Variants in SRPK2 observed in about 807,000 individuals in gnomAD.
The protein encoded by SRPK2 is SRSF protein kinase 2, also known as SFRS protein kinase 2.
Under a neutral mutation model 90.8 loss-of-function variants are expected in SRPK2, and 21 were observed. The ratio of observed to expected loss-of-function variants is 0.23; its 90% CI spans 0.16 to 0.33. SRPK2 has a LOEUF of 0.33. Among genes scored for constraint, SRPK2 ranks in the 10% least tolerant of loss-of-function variants. The probability of loss-of-function intolerance (pLI) is 1.00; values close to 1 mark genes in which losing one functional copy is unlikely to be tolerated. For missense variants in SRPK2, 620 were observed against 869.0 expected, an observed-to-expected ratio of 0.71 and a Z score of 3.60; for synonymous variants, 288 against 311.1, an observed-to-expected ratio of 0.93 and a Z score of 0.78.
At chr7:105,125,630 G>A (rs1801082028) in intron 15 of SRPK2, among the ~76,000 whole-genome samples, 1 of 152,224 alleles carries the variant, frequency 6.6e-6, no homozygotes, top group Admixed American at 6.5e-5. Flanking sequence ...CCAGGTATCA[G>A]ATGGGTCAGG....
At chr7:105,181,956 C>T (rs527605682) in intron 3 of SRPK2, among the ~76,000 whole-genome samples, 11 of 151,008 alleles carry the variant, frequency 7.3e-5, no homozygotes, top group East Asian at 1.9e-4. Flanking sequence ...TGGCCAGGCG[C>T]GGGGGCTCAC....
chr7:105,125,961 GACAGAA>G, intron 15 of SRPK2: 4 of 722,354 alleles, frequency 5.5e-6, no homozygotes, highest in Non-Finnish European at 8.7e-6. Context: ...CGCCCGCGCA[GACAGAA>G]ACAGAGCGCA....
At chr7:105,288,369 G>A (rs1414465595) in intron 2 of SRPK2, among the ~76,000 whole-genome samples, 1 of 152,200 alleles carries the variant, frequency 6.6e-6, no homozygotes, top group Non-Finnish European at 1.5e-5. Context: ...GGTAGGGCGG[G>A]TGGATCACGA....
At chr7:105,311,077 T>C (rs1287630003) in intron 2 of SRPK2, among the ~76,000 whole-genome samples, 2 of 151,966 alleles carry the variant, frequency 1.3e-5, no homozygotes, top group South Asian at 2.1e-4. Flanking sequence ...GTTTTGGGCA[T>C]CAAAGGACAT....
chr7:105,242,434 C>G (rs183681909), intron 2 of SRPK2, among the ~76,000 whole-genome samples: 1 of 152,030 alleles, frequency 6.6e-6, no homozygotes, highest in African/African-American at 2.4e-5. Context: ...ATTGCTTGAA[C>G]CTGGGAGGCA....
intron 14 of SRPK2, among the ~76,000 whole-genome samples, chr7:105,126,550 G>A (rs1364011190): frequency 6.6e-6 from 1 of 152,178 alleles, no homozygotes; most frequent in Admixed American, 6.5e-5. Context: ...CTCACCCCAG[G>A]CCACCCCAGC....
chr7:105,384,499 G>A (rs1440137515), intron 2 of SRPK2, among the ~76,000 whole-genome samples: 2 of 152,116 alleles, frequency 1.3e-5, no homozygotes, highest in African/African-American at 2.4e-5. Context: ...ATATACAAAA[G>A]TAGATAATGA....
chr7:105,212,578 C>A (rs1216404690), intron 2 of SRPK2, among the ~76,000 whole-genome samples: 1 of 152,134 alleles, frequency 6.6e-6, no homozygotes, highest in African/African-American at 2.4e-5. Context: ...AAAGAATAAA[C>A]CACAATGCTA....
Position 105,242,632 on chromosome 7 carries a change from G to C in SRPK2, c.72-38847C>G, listed in dbSNP as rs913910851. On this transcript the variant is annotated intron_variant, in intron 2 of 15. Transcript: ENST00000393651. Reference sequence around the variant, plus strand: ...TGCAATATACACAAGGACCTACTCAGAGGCAGGTGTGCATGCACACATGTC... The same window carrying C: ...TGCAATATACACAAGGACCTACTCACAGGCAGGTGTGCATGCACACATGTC... Among the ~76,000 whole-genome samples the C allele has an allele frequency of 9.9e-5, 15 of 152,246 alleles. 1 individual carries two copies. Among genetic ancestry groups the C allele is most frequent in the Admixed American group, 9.8e-4 (15 of 15,286 alleles).
At chr7:105,372,689 T>G (rs1242171471) in intron 2 of SRPK2, among the ~76,000 whole-genome samples, 2 of 152,220 alleles carry the variant, frequency 1.3e-5, no homozygotes, top group Non-Finnish European at 2.9e-5. Context: ...GCCTATAAGC[T>G]TAAGAATCTG....
At chr7:105,384,901 G>T (rs1433694429) in intron 2 of SRPK2, among the ~76,000 whole-genome samples, 2 of 151,338 alleles carry the variant, frequency 1.3e-5, no homozygotes, top group Admixed American at 6.6e-5. Flanking sequence ...TTTTGAGACG[G>T]AGTCTGGCTC....
At chr7:105,180,323 G>GGAAT (rs1351259430) in intron 3 of SRPK2, among the ~76,000 whole-genome samples, 2 of 152,106 alleles carry the variant, frequency 1.3e-5, no homozygotes, top group Non-Finnish European at 2.9e-5. Flanking sequence ...CAAGCAATGG[G>GGAAT]GAATGGACTT....
At position 105,142,250 on chromosome 7, in the gene SRPK2, C is replaced by T. The variant is rs183214226; in HGVS notation, c.1301G>A (p.Ser434Asn). 36 of 1,614,174 alleles carry T rather than the reference C, an allele frequency of 2.2e-5. No homozygotes were observed. The East Asian group carries it at 3.3e-4, about 15-fold the overall frequency. ...EYNLDEPNAE[S>N]DYTYSSSYEQ... The stretch of plus-strand genomic sequence containing the variant: ...ATAGGAGCTGCTATATGTGTAATCA[C>T]TTTCTGCATTTGGCTCATCAAGATT... The change falls in exon 11 of 16, where the codon AGT (serine) becomes AAT (asparagine). Residue 434 changes from serine (S) to asparagine (N), a missense_variant. This residue lies in a region of SRPK2 where 243 missense variants were observed against 245.7 expected (regional missense o/e 0.99). Transcript: ENST00000393651.
At chr7:105,365,026 G>T (rs1818865302) in intron 2 of SRPK2, among the ~76,000 whole-genome samples, 1 of 152,198 alleles carries the variant, frequency 6.6e-6, no homozygotes, top group Non-Finnish European at 1.5e-5. Context: ...GACAAGGGCA[G>T]TCCTGATCAT....
intron 3 of SRPK2, among the ~76,000 whole-genome samples, chr7:105,179,667 A>T (rs552273352): frequency 1.3e-5 from 2 of 152,090 alleles, no homozygotes; most frequent in African/African-American, 4.8e-5. Flanking sequence ...TCCACTAAAA[A>T]TACAAAGATT....
At chr7:105,208,226 G>C (rs183543314) in intron 2 of SRPK2, among the ~76,000 whole-genome samples, 1 of 152,042 alleles carries the variant, frequency 6.6e-6, no homozygotes, top group Non-Finnish European at 1.5e-5. Flanking sequence ...CTTGGAAAAC[G>C]GTCTGGCAGT....
intron 2 of SRPK2, among the ~76,000 whole-genome samples, chr7:105,380,780 C>T (rs950330408): frequency 6.6e-6 from 1 of 151,632 alleles, no homozygotes; most frequent in Admixed American, 6.6e-5. Context: ...CCTCGGCCTC[C>T]CAAAGCGCTG....
At chr7:105,364,404 C>CTTTTTTTTT (rs1563290472) in intron 2 of SRPK2, among the ~76,000 whole-genome samples, 5 of 116,354 alleles carry the variant, frequency 4.3e-5, no homozygotes, top group South Asian at 6.1e-4. Flanking sequence ...CCGTGTGTAA[C>CTTTTTTTTT]GTTTTTTTTT....
intron 2 of SRPK2, among the ~76,000 whole-genome samples, chr7:105,324,671 G>A (rs1489601762): frequency 2.0e-5 from 3 of 152,120 alleles, no homozygotes; most frequent in South Asian, 4.1e-4. Flanking sequence ...TGGATCACTT[G>A]AGGTCAGGAG....
Sources: allele counts gnomAD v4.1 joint callset (sites outside exome capture counted in the v4.1 genomes callset), GRCh38; gene constraint gnomAD v4.1.1; regional missense constraint gnomAD v4.1.1; transcripts MANE v1.5; gene names NCBI Gene and HGNC (gene_info 2026-07-23, HGNC 2026-07-21).